The following MGAT4C variants were observed in gnomAD, a reference collection of about 807,000 sequenced individuals.
MGAT4C encodes the protein MGAT4 family member C.
In MGAT4C, 19 loss-of-function variants were observed where a neutral mutation model predicts 40.1. That is an observed-to-expected ratio of 0.47 (90% CI 0.33 to 0.70). The LOEUF (loss-of-function observed/expected upper bound fraction) is 0.70. Ranked by LOEUF, MGAT4C falls within the 30% of genes least tolerant of loss-of-function variation. The probability of loss-of-function intolerance (pLI) is 0.02; values close to 1 mark genes in which losing one functional copy is unlikely to be tolerated. For synonymous variants in MGAT4C, 181 were observed against 187.1 expected, an observed-to-expected ratio of 0.97 and a Z score of 0.27; for missense variants, 491 against 563.2, an observed-to-expected ratio of 0.87 and a Z score of 1.30.
At chr12:86,738,669 C>T (rs558643881) in intron 1 of MGAT4C, among the ~76,000 whole-genome samples, 21 of 151,226 alleles carry the variant, frequency 1.4e-4, no homozygotes, top group Non-Finnish European at 3.0e-4. Flanking sequence ...GGAAGTCAGC[C>T]TCTGTATCAA....
chr12:86,370,750 CA>C (rs1381824713), intron 3 of MGAT4C, among the ~76,000 whole-genome samples: 1 of 151,964 alleles, frequency 6.6e-6, no homozygotes, highest in African/African-American at 2.4e-5. Context: ...ATTTAATCCC[CA>C]AAAGTTCAAT....
In MGAT4C at chr12:86,427,357, TTAAGA is replaced by T. The variant is rs1412805788; in HGVS notation, c.-120+7795_-120+7799del. Among the ~76,000 whole-genome samples the T allele has an allele frequency of 2.2e-4, 34 of 152,182 alleles. 1 individual carries two copies. Among genetic ancestry groups the T allele is most frequent in the Admixed American group, 1.3e-4 (2 of 15,274 alleles). On this transcript the variant is annotated intron_variant, in intron 3 of 7. Transcript: ENST00000548651. ...GTTTAAAATGTGCTAACAATTTTAA[TTAAGA>T]TAATTATACATATTATAATTATAGT... is the stretch of plus-strand genomic sequence containing the variant.
At chr12:86,715,332 G>A (rs1950626625) in intron 2 of MGAT4C, among the ~76,000 whole-genome samples, 1 of 152,104 alleles carries the variant, frequency 6.6e-6, no homozygotes, top group Admixed American at 6.6e-5. Flanking sequence ...AGAAATTAAA[G>A]TAGAAGCTAT....
chr12:86,600,207 G>C (rs549495849), intron 2 of MGAT4C, among the ~76,000 whole-genome samples: 89 of 152,296 alleles, frequency 5.8e-4, no homozygotes, highest in African/African-American at 2.1e-3. Context: ...GGACAGTTAT[G>C]ACAGATGCTT....
chr12:86,591,589 T>A (rs1240383606), intron 2 of MGAT4C, among the ~76,000 whole-genome samples: 1 of 151,986 alleles, frequency 6.6e-6, no homozygotes, highest in East Asian at 1.9e-4. Flanking sequence ...TTAAAGAGAA[T>A]ACTTAAGAAC....
At chr12:86,000,357 CATT>C (rs1887165628) in intron 2 of MGAT4C, among the ~76,000 whole-genome samples, 1 of 151,962 alleles carries the variant, frequency 6.6e-6, no homozygotes, top group Non-Finnish European at 1.5e-5. Context: ...AGAAAAAAGA[CATT>C]ATTAATATCA....
intron 1 of MGAT4C, among the ~76,000 whole-genome samples, chr12:86,135,714 C>A (rs1881848780): frequency 6.6e-6 from 1 of 152,170 alleles, no homozygotes; most frequent in African/African-American, 2.4e-5. Context: ...TGATTAGAAT[C>A]TGTCCCTTAG....
At chr12:86,651,319 T>C (rs940096174) in intron 2 of MGAT4C, among the ~76,000 whole-genome samples, 1 of 151,868 alleles carries the variant, frequency 6.6e-6, no homozygotes, top group African/African-American at 2.4e-5. Context: ...AAATCATTGA[T>C]ATGCCTGGCA....
intron 2 of MGAT4C, among the ~76,000 whole-genome samples, chr12:86,494,689 A>T (rs1187158825): frequency 6.6e-6 from 1 of 151,912 alleles, no homozygotes; most frequent in Non-Finnish European, 1.5e-5. Context: ...GATAGGGAAA[A>T]ATATTTTAAC....
At chr12:86,416,073 A>G (rs531901003) in intron 3 of MGAT4C, among the ~76,000 whole-genome samples, 1 of 152,212 alleles carries the variant, frequency 6.6e-6, no homozygotes, top group South Asian at 2.1e-4. Flanking sequence ...GGATATATGT[A>G]CACATTTGTA....
intron 2 of MGAT4C, among the ~76,000 whole-genome samples, chr12:86,654,881 A>T (rs1229959298): frequency 6.6e-6 from 1 of 152,064 alleles, no homozygotes; most frequent in Non-Finnish European, 1.5e-5. Flanking sequence ...ATCAATTACT[A>T]GAACTTTTTG....
intron 1 of MGAT4C, among the ~76,000 whole-genome samples, chr12:86,107,471 CAA>C (rs1411262306): frequency 6.6e-6 from 1 of 151,936 alleles, no homozygotes; most frequent in African/African-American, 2.4e-5. Context: ...TTTGAGCAAA[CAA>C]AATATAACAG....
chr12:86,484,105 C>A (rs1291204485), intron 2 of MGAT4C, among the ~76,000 whole-genome samples: 1 of 151,750 alleles, frequency 6.6e-6, no homozygotes, highest in Non-Finnish European at 1.5e-5. Flanking sequence ...TCTCTGGGAT[C>A]CCAGCTACAA....
At chr12:86,413,279 G>A (rs573398058) in intron 3 of MGAT4C, among the ~76,000 whole-genome samples, 6 of 152,196 alleles carry the variant, frequency 3.9e-5, no homozygotes, top group South Asian at 4.1e-4. Context: ...AGATGACTTC[G>A]CTCTTCTGGG....
At chr12:86,573,850 T>C (rs997314741) in intron 2 of MGAT4C, among the ~76,000 whole-genome samples, 3 of 152,002 alleles carry the variant, frequency 2.0e-5, no homozygotes, top group Admixed American at 6.6e-5. Flanking sequence ...CCAGAACTCA[T>C]TGATTGCATA....
chr12:86,128,425 T>C lies in MGAT4C; in HGVS notation c.-56-78702A>G, dbSNP rs1880649124. Among the ~76,000 whole-genome samples the C allele has an allele frequency of 2.0e-5, 3 of 152,128 alleles. No individual in the cohort carries two copies. In the East Asian group the frequency reaches 5.8e-4, roughly 29 times the overall value. On this transcript the variant is annotated intron_variant, in intron 1 of 4. Coordinates refer to ENST00000611864, the MANE Select transcript of MGAT4C (RefSeq NM_001351288.2). ...GAGATCTGATGGGTTCATCAGGGGT[T>C]TCTGCTTTTGCATCTTCCTCATTTT...
At chr12:86,827,541 A>T (rs755056693) in intron 1 of MGAT4C, among the ~76,000 whole-genome samples, 1 of 151,506 alleles carries the variant, frequency 6.6e-6, no homozygotes, top group Non-Finnish European at 1.5e-5. Context: ...ACAATGAATG[A>T]AACTGTCCAG....
At chr12:86,766,335 G>A (rs1951507392) in intron 1 of MGAT4C, among the ~76,000 whole-genome samples, 1 of 152,076 alleles carries the variant, frequency 6.6e-6, no homozygotes, top group Non-Finnish European at 1.5e-5. Flanking sequence ...AAATATATAT[G>A]CACCCAATAC....
chr12:86,032,232 T>A lies in MGAT4C; in HGVS notation c.-7+17442A>T, dbSNP rs184884083. On this transcript the variant is annotated intron_variant, in intron 2 of 4. Coordinates refer to ENST00000611864, the MANE Select transcript of MGAT4C (RefSeq NM_001351288.2). ...AACAGTGCCACAATGAATATATGTG[T>A]GTCTTTATGGTAGAATGATTTATTT... Among the ~76,000 whole-genome samples the A allele has an allele frequency of 8.5e-5, 13 of 152,116 alleles. No individual in the cohort carries two copies. The East Asian group carries it at 2.5e-3, about 29-fold the overall frequency.
Sources: gnomAD v4.1 joint callset for allele counts (sites outside exome capture counted in the v4.1 genomes callset) on GRCh38, gnomAD v4.1.1 for gene constraint, MANE v1.5 for transcripts, NCBI Gene and HGNC (gene_info 2026-07-23, HGNC 2026-07-21) for gene names.